Variants in ALX4 observed in about 807,000 individuals in gnomAD.
ALX4 encodes ALX homeobox 4, also known as homeobox protein aristaless-like 4.
Under a neutral mutation model 40.6 loss-of-function variants are expected in ALX4, and 22 were observed. That is an observed-to-expected ratio of 0.54 (90% CI 0.39 to 0.77). ALX4 has a LOEUF of 0.77. Ranked by LOEUF, ALX4 falls within the 30% of genes least tolerant of loss-of-function variation. ALX4 has a pLI of 0.00. For synonymous variants in ALX4, 266 were observed against 240.5 expected (o/e 1.11, Z -0.98); for missense variants, 556 against 564.8 (o/e 0.98, Z 0.16).
chr11:44,266,209 C>G (rs962044873), intron 3 of ALX4, among the ~76,000 whole-genome samples: 4 of 152,056 alleles, frequency 2.6e-5, no homozygotes, highest in Admixed American at 6.5e-5. Context: ...TGAGCACACA[C>G]TATGTGGTGC....
Position 44,260,854 on chromosome 11 carries a change from C to T in ALX4, c.*4000G>A, listed in dbSNP as rs1322876653. The T allele has an allele frequency of 2.0e-5, 3 of 152,002 alleles. No individual in the cohort carries two copies. Among genetic ancestry groups the T allele is most frequent in the South Asian group, 4.1e-4 (2 of 4,826 alleles). 9.4% of individuals were successfully genotyped at this position (152,002 alleles called of 1,614,324 possible). A position where few individuals can be genotyped will look rare whatever the true frequency, so the allele number is the denominator to read the frequency against. On this transcript the variant is annotated 3_prime_UTR_variant, in exon 4 of 4. Coordinates refer to ENST00000652299, the MANE Select transcript of ALX4 (RefSeq NM_021926.4). ...ATCTTACAATGAGAACAATAAGTAA[C>T]GGTTGAGGTTCATGTTCCTTCTAGC...
intron 2 of ALX4, among the ~76,000 whole-genome samples, chr11:44,268,322 T>C (rs1031528340): frequency 1.3e-5 from 2 of 152,122 alleles, no homozygotes; most frequent in Non-Finnish European, 2.9e-5. Flanking sequence ...AGAGGTCAAT[T>C]TGAAGGAAGC....
chr11:44,292,388 T>G (rs1956375073), intron 1 of ALX4, among the ~76,000 whole-genome samples: 1 of 146,048 alleles, frequency 6.8e-6, no homozygotes, highest in South Asian at 2.2e-4. Context: ...TTTTTTTTTT[T>G]TTTTTTTTTT....
At chr11:44,292,886 A>G (rs932503666) in intron 1 of ALX4, among the ~76,000 whole-genome samples, 3 of 152,072 alleles carry the variant, frequency 2.0e-5, no homozygotes, top group Non-Finnish European at 2.9e-5. Flanking sequence ...GCCTGAGCTC[A>G]GGAGTTTGAG....
intron 2 of ALX4, among the ~76,000 whole-genome samples, chr11:44,271,003 G>T (rs1956243554): frequency 6.6e-6 from 1 of 152,190 alleles, no homozygotes; most frequent in African/African-American, 2.4e-5. Context: ...CAAACCCTAG[G>T]CTTCTTCCCA....
intron 1 of ALX4, among the ~76,000 whole-genome samples, chr11:44,291,077 C>T (rs1956366255): frequency 6.6e-6 from 1 of 152,174 alleles, no homozygotes. Flanking sequence ...CCCAGAATGA[C>T]ATTTATGAAC....
intron 2 of ALX4, among the ~76,000 whole-genome samples, chr11:44,270,264 A>G (rs934564631): frequency 6.6e-6 from 1 of 152,038 alleles, no homozygotes; most frequent in African/African-American, 2.4e-5. Flanking sequence ...AGGCCAGCAG[A>G]GCTAGCACCG....
rs189531581 is a variant in ALX4 at position 44,268,285 on chromosome 11, A to G, written c.778-663T>C. On this transcript the variant is annotated intron_variant, in intron 2 of 3. Transcript: ENST00000652299. ...GGAAAGCCAAGGCCTAGGTTTAGAA[A>G]CAGCAAGGCATACTCCAAAAACCTA... Among the ~76,000 whole-genome samples, 59 of 152,336 alleles carry G rather than the reference A, an allele frequency of 3.9e-4. 1 individual carries two copies. The East Asian group carries it at 4.0e-3, about 10-fold the overall frequency.
intron 1 of ALX4, among the ~76,000 whole-genome samples, chr11:44,309,277 C>T (rs565906935): frequency 5.4e-5 from 8 of 149,414 alleles, no homozygotes; most frequent in South Asian, 2.2e-4. Flanking sequence ...CGCCCTGGGC[C>T]GGTAAGAAGC....
rs149189417 is a variant in ALX4 at position 44,264,663 on chromosome 11, CA to C, written c.*190del. ...CAGGGCCTCAGTGCCAGGGAGGGGC[CA>C]GGGGCCTGCTGCCCCCTCCCTCCCA... On this transcript the variant is annotated 3_prime_UTR_variant, in exon 4 of 4. Coordinates refer to ENST00000652299, the MANE Select transcript of ALX4 (RefSeq NM_021926.4). 4.3e-3 allele frequency: 2,778 copies of C among 653,252 alleles called. 67 individuals are homozygous for C. In the African/African-American group the frequency reaches 0.046, roughly 11 times the overall value. 40.5% of individuals were successfully genotyped at this position (653,252 alleles called of 1,614,324 possible).
rs1174456451 is a variant in ALX4 at position 44,263,494 on chromosome 11, G to A, written c.*1360C>T. On this transcript the variant is annotated 3_prime_UTR_variant, in exon 4 of 4. Coordinates refer to ENST00000652299, the MANE Select transcript of ALX4 (RefSeq NM_021926.4). Reference sequence around the variant, plus strand: ...TAGCAAAGCCACACCGAGGAGCCCAGGCCAGGAGCCCTTCCGCAGGCTGGA... The same window carrying A: ...TAGCAAAGCCACACCGAGGAGCCCAAGCCAGGAGCCCTTCCGCAGGCTGGA... 1 of 152,384 alleles carries A rather than the reference G, an allele frequency of 6.6e-6. No homozygotes were observed. The highest frequency in any genetic ancestry group is 1.5e-5 in the Non-Finnish European group (1 of 68,154). The allele number at this position is 152,384 out of a possible 1,614,324, so 9.4% of individuals were successfully genotyped here.
chr11:44,293,107 G>A (rs1279423684), intron 1 of ALX4, among the ~76,000 whole-genome samples: 4 of 6,528 alleles, frequency 6.1e-4, no homozygotes, highest in East Asian at 2.0e-3. Flanking sequence ...AGAGAAGGAA[G>A]GAAGGAAGGA....
In ALX4 at chr11:44,264,457, G is replaced by C. The variant is rs558317757; in HGVS notation, c.*397C>G. On this transcript the variant is annotated 3_prime_UTR_variant, in exon 4 of 4. Coordinates refer to ENST00000652299, the MANE Select transcript of ALX4 (RefSeq NM_021926.4). ...GGACCCCACTAGGAGCGGGAAGGAT[G>C]GACAAGACTGGGCTGGTGAGGCTGC... is the stretch of plus-strand genomic sequence containing the variant. 1.3e-5 allele frequency: 3 copies of C among 227,332 alleles called. No homozygotes were observed. The highest frequency in any genetic ancestry group is 5.3e-5 in the Admixed American group (1 of 19,032). 14.1% of individuals were successfully genotyped at this position (227,332 alleles called of 1,614,324 possible).
At chr11:44,302,741 G>C (rs953405273) in intron 1 of ALX4, among the ~76,000 whole-genome samples, 1 of 152,184 alleles carries the variant, frequency 6.6e-6, no homozygotes, top group African/African-American at 2.4e-5. Flanking sequence ...AGGACCTCTA[G>C]CCGGCTTTGT....
intron 1 of ALX4, among the ~76,000 whole-genome samples, chr11:44,295,521 C>A (rs2119865695): frequency 6.6e-6 from 1 of 152,390 alleles, no homozygotes; most frequent in South Asian, 2.1e-4. Flanking sequence ...ACAGCTACTT[C>A]TCTGCAGCTG....
chr11:44,300,964 C>T (rs548367044), intron 1 of ALX4, among the ~76,000 whole-genome samples: 1 of 152,372 alleles, frequency 6.6e-6, no homozygotes, highest in East Asian at 1.9e-4. Context: ...GCCAGCCTGA[C>T]CTTCTCCTCA....
intron 2 of ALX4, among the ~76,000 whole-genome samples, chr11:44,272,365 G>T (rs1054783608): frequency 1.3e-5 from 2 of 152,096 alleles, no homozygotes; most frequent in Non-Finnish European, 2.9e-5. Context: ...TTAGCCGGGT[G>T]TGGTGGTGCA....
In ALX4 at chr11:44,264,908, C is replaced by T. The variant is rs149365713; in HGVS notation, c.1182G>A (p.Ala394=). Residue 394 remains alanine (A), a synonymous_variant, in exon 4 of 4, where the codon GCG becomes GCA. Transcript: ENST00000652299. ...GCTCCTTGGCCTTCATGCGGAGGGCCGCGATGCTCGAGGTCTTGCGGTCCG... is the reference window on the plus strand; with the variant it reads ...GCTCCTTGGCCTTCATGCGGAGGGCTGCGATGCTCGAGGTCTTGCGGTCCG... ...GEPDRKTSSI[A]ALRMKAKEHS... is the part of the protein sequence containing the mutation. 2.9e-4 allele frequency: 472 copies of T among 1,613,012 alleles called. 1 individual carries two copies. The Middle Eastern group carries it at 5.3e-3, about 18-fold the overall frequency.
chr11:44,304,153 C>T (rs141914716), intron 1 of ALX4, among the ~76,000 whole-genome samples: 1,564 of 152,342 alleles, frequency 0.01, 23 homozygotes, highest in African/African-American at 0.035. Flanking sequence ...CATCACATAG[C>T]CGGGTCCTCG....
Sources: allele counts gnomAD v4.1 joint callset (sites outside exome capture counted in the v4.1 genomes callset), GRCh38; gene constraint gnomAD v4.1.1; transcripts MANE v1.5; gene names NCBI Gene and HGNC (gene_info 2026-07-23, HGNC 2026-07-21).